Variants in PGK1 observed in about 807,000 individuals in gnomAD.
PGK1 encodes phosphoglycerate kinase 1.
In PGK1, 3 loss-of-function variants were observed where a neutral mutation model predicts 26.9. The ratio of observed to expected loss-of-function variants is 0.11; its 90% CI spans 0.05 to 0.29. The LOEUF is 0.29. PGK1 is among the 10% of genes least tolerant of loss of function. The pLI, the probability that PGK1 is intolerant of heterozygous loss-of-function variation, is 1.00. For synonymous variants in PGK1, 125 were observed against 115.3 expected (o/e 1.08, Z -0.54); for missense variants, 270 against 314.7 (o/e 0.86, Z 1.07).
intron 6 of PGK1, among the ~76,000 whole-genome samples, chrX:78,122,430 TG>T (rs1557248128): frequency 1.9e-4 from 20 of 106,407 alleles, no homozygotes; most frequent in African/African-American, 7.0e-4. Context: ...TGTGTGTGTG[TG>T]TGTGTGTGTG....
chrX:78,121,473 C>T (rs2078355020), intron 6 of PGK1, among the ~76,000 whole-genome samples: 2 of 111,874 alleles, frequency 1.8e-5, no homozygotes, highest in African/African-American at 6.5e-5. Context: ...ATCTTTACAA[C>T]TGAAATAAAT....
At chrX:78,125,575 C>T in intron 10 of PGK1, 150 bp downstream of exon 10, 1 of 542,818 alleles carries the variant, frequency 1.8e-6, no homozygotes, top group Non-Finnish European at 3.2e-6. Flanking sequence ...AGATAAAGCT[C>T]CTGGCATCCA....
chrX:78,125,250 C>T, intron 9 of PGK1, 77 bp from the exon 10 acceptor site: 1 of 851,019 alleles, frequency 1.2e-6, no homozygotes, highest in Non-Finnish European at 1.7e-6. Context: ...GGGGAGCACA[C>T]TGCCTTACAG....
At chrX:78,108,383 C>G (rs1224487734) in intron 1 of PGK1, among the ~76,000 whole-genome samples, 10 of 112,432 alleles carry the variant, frequency 8.9e-5, no homozygotes, top group Non-Finnish European at 1.5e-4. Flanking sequence ...TACTTTAAGG[C>G]TGGCAGGCTC....
intron 6 of PGK1, 142 bp from the exon 7 acceptor site, chrX:78,122,693 A>T (rs1165935726): frequency 1.9e-5 from 9 of 470,609 alleles, no homozygotes; most frequent in Non-Finnish European, 3.4e-5. Flanking sequence ...GGTTGGAGAA[A>T]CATAGGGCAA....
At chrX:78,109,704 C>G (rs1178323521) in intron 1 of PGK1, among the ~76,000 whole-genome samples, 163 bp from the exon 2 acceptor site, 1 of 111,223 alleles carries the variant, frequency 9.0e-6, no homozygotes, top group African/African-American at 3.3e-5. Flanking sequence ...ACCACTCCCG[C>G]CATCCTCCCC....
Position 78,122,769 on chromosome X carries a change from T to G in PGK1, c.642-66T>G, listed in dbSNP as rs2073176. 162,763 of 643,961 alleles carry G rather than the reference T, an allele frequency of 0.25. 14,646 individuals are homozygous for G. Among genetic ancestry groups the G allele is most frequent in the East Asian group, 0.41 (12,533 of 30,675 alleles). The allele number at this position is 643,961 out of a possible 1,213,427, so 53.1% of individuals were successfully genotyped here. On this transcript the variant is annotated intron_variant, in intron 6 of 10. Transcript: ENST00000373316. ...CCTGTGCCTTGAAATAGAAACTCAG[T>G]TTCTATGTAATACCACTTCTCTAGT...
chrX:78,114,581 CA>C (rs11330839), intron 4 of PGK1, among the ~76,000 whole-genome samples: 46,352 of 94,668 alleles, frequency 0.49, 10,226 homozygotes, highest in African/African-American at 0.84. Context: ...AACTAAGTCT[CA>C]AAAAAAAAAA....
chrX:78,104,457 T>A, intron 1 of PGK1, 52 bp downstream of exon 1: 1 of 961,070 alleles, frequency 1.0e-6, no homozygotes, highest in Non-Finnish European at 1.5e-6. Context: ...GCAAACCTCT[T>A]TGGCCGGAGC....
chrX:78,109,860 T>C lies in PGK1; in HGVS notation c.66-7T>C. 1 of 1,183,113 alleles carries C rather than the reference T, an allele frequency of 8.5e-7. No individual in the cohort carries two copies. ...GTTGATCATGGTCTTGCATCTTTCT[T>C]TTTTAGAGTCGACTTCAATGTTCCT... is the stretch of plus-strand genomic sequence containing the variant. On this transcript the variant is annotated splice_region_variant and splice_polypyrimidine_tract_variant and intron_variant, in intron 1 of 10. Coordinates refer to ENST00000373316, the MANE Select transcript of PGK1 (RefSeq NM_000291.4).
At position 78,126,025 on chromosome X, in the gene PGK1, T is replaced by C. The variant is rs782237273; in HGVS notation, c.*195T>C. On this transcript the variant is annotated 3_prime_UTR_variant, in exon 11 of 11. Transcript: ENST00000373316. ...TGCACCCTGGATTTGCATACATTCT[T>C]CAAGATCCCATTTGAATTTTTTAGT... The C allele has an allele frequency of 1.3e-5, 6 of 475,531 alleles. No homozygotes were observed. Among genetic ancestry groups the C allele is most frequent in the Admixed American group, 9.7e-5 (3 of 30,770 alleles). 39.2% of individuals were successfully genotyped at this position (475,531 alleles called of 1,213,427 possible).
chrX:78,120,330 T>TAC (rs782472219), intron 6 of PGK1, among the ~76,000 whole-genome samples: 241 of 106,198 alleles, frequency 2.3e-3, no homozygotes, highest in Middle Eastern at 9.6e-3. Context: ...GTCAGGAATG[T>TAC]ACACACACAC....
chrX:78,126,247 C>A lies in PGK1; in HGVS notation c.*417C>A. Reference sequence around the variant, plus strand: ...CAAAATTGATGATCCATTAAGTAAACAATAAAAGTGTCCATTGAAACCGTG... The same window carrying A: ...CAAAATTGATGATCCATTAAGTAAAAAATAAAAGTGTCCATTGAAACCGTG... On this transcript the variant is annotated 3_prime_UTR_variant, in exon 11 of 11. Transcript: ENST00000373316. 1 of 147,784 alleles carries A rather than the reference C, an allele frequency of 6.8e-6. No homozygotes were observed. The highest frequency in any genetic ancestry group is 7.4e-5 in the Admixed American group (1 of 13,444). 12.2% of individuals were successfully genotyped at this position (147,784 alleles called of 1,213,427 possible). A position where few individuals can be genotyped will look rare whatever the true frequency, so the allele number is the denominator to read the frequency against.
intron 2 of PGK1, among the ~76,000 whole-genome samples, chrX:78,111,175 C>T (rs1347884808): frequency 1.8e-5 from 2 of 109,604 alleles, no homozygotes. Context: ...ATCTCTGCCT[C>T]CTGGGCTCAA....
chrX:78,106,869 C>CT (rs1304354013), intron 1 of PGK1, among the ~76,000 whole-genome samples: 11 of 109,700 alleles, frequency 1.0e-4, no homozygotes, highest in South Asian at 3.9e-4. Flanking sequence ...TTGCTCCTGC[C>CT]TTTTTTTTTA....
chrX:78,108,101 A>G (rs1557246436), intron 1 of PGK1, among the ~76,000 whole-genome samples: 1 of 111,657 alleles, frequency 9.0e-6, no homozygotes, highest in African/African-American at 3.3e-5. Context: ...AGATAAGGGG[A>G]GGTAATCCAG....
rs1557248465 is a variant in PGK1 at position 78,124,903 on chromosome X, G to C, written c.966G>C (p.Lys322Asn). Reference protein sequence around the residue: ...MGLDCGPESSKKYAEAVTRAK... With the variant: ...MGLDCGPESSNKYAEAVTRAK... ...TGGACTGTGGTCCTGAAAGCAGCAA[G>C]AAGTATGCTGAGGCTGTCACTCGGG... is the stretch of plus-strand genomic sequence containing the variant. The change falls in exon 9 of 11, where the codon AAG becomes AAC. Residue 322 changes from lysine (K) to asparagine (N), a missense_variant. This residue lies in a region of PGK1 where 103 missense variants were observed against 114.6 expected (regional missense o/e 0.90). Coordinates refer to ENST00000373316, the MANE Select transcript of PGK1 (RefSeq NM_000291.4). 1 of 1,208,858 alleles carries C rather than the reference G, an allele frequency of 8.3e-7. No homozygotes were observed. Among genetic ancestry groups the C allele is most frequent in the South Asian group, 1.8e-5 (1 of 56,898 alleles).
At chrX:78,120,714 T>A (rs1557247952) in intron 6 of PGK1, among the ~76,000 whole-genome samples, 1 of 111,261 alleles carries the variant, frequency 9.0e-6, no homozygotes, top group Non-Finnish European at 1.9e-5. Flanking sequence ...CAGGCTGGTC[T>A]CGAACTCTGG....
intron 8 of PGK1, among the ~76,000 whole-genome samples, chrX:78,123,642 C>T (rs2078368015): frequency 9.5e-6 from 1 of 105,177 alleles, no homozygotes; most frequent in Admixed American, 1.0e-4. Context: ...CAGAGTCTCG[C>T]TGTGTCACCA....
Sources: gnomAD v4.1 joint callset for allele counts (sites outside exome capture counted in the v4.1 genomes callset) on GRCh38, gnomAD v4.1.1 for gene constraint, gnomAD v4.1.1 regional missense constraint, MANE v1.5 for transcripts, NCBI Gene and HGNC (gene_info 2026-07-23, HGNC 2026-07-21) for gene names.